The following MRGPRE variants were observed in gnomAD, a reference collection of about 807,000 sequenced individuals.
MRGPRE encodes MAS related GPR family member E, also known as mas-related G protein-coupled receptor member E.
For synonymous variants in MRGPRE, 229 were observed against 206.7 expected, an observed-to-expected ratio of 1.11 and a Z score of -0.92; for missense variants, 466 against 433.4, an observed-to-expected ratio of 1.08 and a Z score of -0.67.
At position 3,227,283 on chromosome 11, in the gene MRGPRE, C is replaced by T. The variant is rs1036608782; in HGVS notation, c.*578G>A. ...TTGCATCGTCCCGGTCTGAGGTGCA[C>T]GGCCTTGAGCAACTGGCTGATGATC... On this transcript the variant is annotated 3_prime_UTR_variant, in exon 2 of 2. Transcript: ENST00000389832. Among the ~76,000 whole-genome samples, 8 of 152,120 alleles carry T rather than the reference C, an allele frequency of 5.3e-5. No homozygotes were observed. Among genetic ancestry groups the T allele is most frequent in the Non-Finnish European group, 1.0e-4 (7 of 68,022 alleles).
chr11:3,225,717 C>T lies in MRGPRE; in HGVS notation c.*2144G>A, dbSNP rs1404302888. On this transcript the variant is annotated 3_prime_UTR_variant, in exon 2 of 2. Transcript: ENST00000389832. ...CCCACCAGCATCCTGGGCCATCAGG[C>T]CATATACCTGCTGCCACAGCAGCTA... Among the ~76,000 whole-genome samples the T allele has an allele frequency of 6.6e-6, 1 of 152,224 alleles. No homozygotes were observed. The highest frequency in any genetic ancestry group is 1.5e-5 in the Non-Finnish European group (1 of 68,030).
In MRGPRE at chr11:3,225,517, G is replaced by A. The variant is rs1024841751; in HGVS notation, c.*2344C>T. Among the ~76,000 whole-genome samples, 2 of 152,216 alleles carry A rather than the reference G, an allele frequency of 1.3e-5. No individual in the cohort carries two copies. Among genetic ancestry groups the A allele is most frequent in the East Asian group, 1.9e-4 (1 of 5,186 alleles). Reference sequence around the variant, plus strand: ...GGGCCTTGTGGCTCTGGGGGCAGAAGAGGAGGTGCAGCGGGGGAGGTCAGA... The same window carrying A: ...GGGCCTTGTGGCTCTGGGGGCAGAAAAGGAGGTGCAGCGGGGGAGGTCAGA... On this transcript the variant is annotated 3_prime_UTR_variant, in exon 2 of 2. Coordinates refer to ENST00000389832, the MANE Select transcript of MRGPRE (RefSeq NM_001039165.4).
rs1438099349 is a variant in MRGPRE, at chr11:3,229,924, A to G, written c.-61-1064T>C. On this transcript the variant is annotated intron_variant, in intron 1 of 1. Coordinates refer to ENST00000389832, the MANE Select transcript of MRGPRE (RefSeq NM_001039165.4). The surrounding 1 kb of genome is among the most constrained non-coding windows in gnomAD (Gnocchi z 4.4). ...TCCATGGCGTCTCCAGCCTCCCTCC[A>G]TCCCCTCCCAAGGCAGTCGGCTCAC... 6.6e-6 allele frequency among the ~76,000 whole-genome samples: 1 copy of G among 152,146 alleles called. No individual in the cohort carries two copies. Among genetic ancestry groups the G allele is most frequent in the Non-Finnish European group, 1.5e-5 (1 of 67,996 alleles).
rs61870521 is a variant in MRGPRE, at chr11:3,227,551, G to T, written c.*310C>A. On this transcript the variant is annotated 3_prime_UTR_variant, in exon 2 of 2. Coordinates refer to ENST00000389832, the MANE Select transcript of MRGPRE (RefSeq NM_001039165.4). ...CCTCACTGCAGCTGAGCAGGGAATG[G>T]GTAGCAGCAGCAGCTCTCGAGTGCC... 2 of 333,976 alleles carry T rather than the reference G, an allele frequency of 6.0e-6. No homozygotes were observed. The highest frequency in any genetic ancestry group is 4.2e-5 in the African/African-American group (2 of 47,316). The allele number at this position is 333,976 out of a possible 1,614,324, so 20.7% of individuals were successfully genotyped here.
chr11:3,228,621 AT>A lies in MRGPRE; in HGVS notation c.178del (p.Ile60SerfsTer52). ...CGCGCAGGCCACGTCCAGGAGGTAG[AT>A]GGCGAAGGGGTTTCTGTAGACATTG... ...SSNVYRNPFAIYLLDVACADL... is the reference protein window; with the variant it reads ...SSNVYRNPFAXYLLDVACADL... On this transcript the variant is annotated frameshift_variant, in exon 2 of 2. Coordinates refer to ENST00000389832, the MANE Select transcript of MRGPRE (RefSeq NM_001039165.4). LOFTEE classifies it low-confidence loss of function (END_TRUNC). 6.2e-7 allele frequency: 1 copy of A among 1,614,110 alleles called. No homozygotes were observed. Among genetic ancestry groups the A allele is most frequent in the Non-Finnish European group, 8.5e-7 (1 of 1,180,006 alleles).
At position 3,225,517 on chromosome 11, in the gene MRGPRE, G is replaced by T. The variant is rs1024841751; in HGVS notation, c.*2344C>A. Among the ~76,000 whole-genome samples the T allele has an allele frequency of 6.6e-6, 1 of 152,216 alleles. No homozygotes were observed. Among genetic ancestry groups the T allele is most frequent in the African/African-American group, 2.4e-5 (1 of 41,454 alleles). Reference sequence around the variant, plus strand: ...GGGCCTTGTGGCTCTGGGGGCAGAAGAGGAGGTGCAGCGGGGGAGGTCAGA... The same window carrying T: ...GGGCCTTGTGGCTCTGGGGGCAGAATAGGAGGTGCAGCGGGGGAGGTCAGA... On this transcript the variant is annotated 3_prime_UTR_variant, in exon 2 of 2. Coordinates refer to ENST00000389832, the MANE Select transcript of MRGPRE (RefSeq NM_001039165.4).
At position 3,229,212 on chromosome 11, in the gene MRGPRE, CTTTTTTTTTTTTTTTTT is replaced by C. The variant is rs60799467; in HGVS notation, c.-61-369_-61-353del. On this transcript the variant is annotated intron_variant, in intron 1 of 1. Coordinates refer to ENST00000389832, the MANE Select transcript of MRGPRE (RefSeq NM_001039165.4). This position sits in a 1 kb window ranked among gnomAD's most constrained non-coding sequence, Gnocchi z 4.4. ...GTGGTGCCTTGATCCTCAGAATGGG[CTTTTTTTTTTTTTTTTT>C]TTTTTTTTTTTTGGAGATGGAGTCT... Among the ~76,000 whole-genome samples the C allele has an allele frequency of 1.6e-5, 2 of 126,656 alleles. No homozygotes were observed. The highest frequency in any genetic ancestry group is 8.0e-5 in the Admixed American group (1 of 12,492). The allele number at this position is 126,656 out of a possible 152,430, so 83.1% of individuals were successfully genotyped here.
At position 3,225,812 on chromosome 11, in the gene MRGPRE, C is replaced by T. The variant is rs551989932; in HGVS notation, c.*2049G>A. ...ATGAGGCCACATTTCCCGGACTCCT[C>T]GAGAAGGGGCTAATAAGGAGGAATC... On this transcript the variant is annotated 3_prime_UTR_variant, in exon 2 of 2. Transcript: ENST00000389832. Among the ~76,000 whole-genome samples, 208 of 152,304 alleles carry T rather than the reference C, an allele frequency of 1.4e-3. No homozygotes were observed. Among genetic ancestry groups the T allele is most frequent in the African/African-American group, 4.7e-3 (196 of 41,574 alleles).
chr11:3,231,914 C>T lies in MRGPRE; in HGVS notation c.-62+227G>A. On this transcript the variant is annotated intron_variant, in intron 1 of 1. Coordinates refer to ENST00000389832, the MANE Select transcript of MRGPRE (RefSeq NM_001039165.4). This position sits in a 1 kb window ranked among gnomAD's most constrained non-coding sequence, Gnocchi z 4.7. ...GGGTGGGGGGTTGGGGAGCCATCACCCAAGCTATCGTCCTCTTCCAGACTC... is the reference window on the plus strand; with the variant it reads ...GGGTGGGGGGTTGGGGAGCCATCACTCAAGCTATCGTCCTCTTCCAGACTC... Among the ~76,000 whole-genome samples, 1 of 152,054 alleles carries T rather than the reference C, an allele frequency of 6.6e-6. No individual in the cohort carries two copies. The highest frequency in any genetic ancestry group is 1.5e-5 in the Non-Finnish European group (1 of 67,986).
At position 3,227,302 on chromosome 11, in the gene MRGPRE, G is replaced by A. The variant is rs1295889664; in HGVS notation, c.*559C>T. On this transcript the variant is annotated 3_prime_UTR_variant, in exon 2 of 2. Coordinates refer to ENST00000389832, the MANE Select transcript of MRGPRE (RefSeq NM_001039165.4). ...GGTGCACGGCCTTGAGCAACTGGCTGATGATCAAGGACGGGGAGGGGGTCA... is the reference window on the plus strand; with the variant it reads ...GGTGCACGGCCTTGAGCAACTGGCTAATGATCAAGGACGGGGAGGGGGTCA... Among the ~76,000 whole-genome samples the A allele has an allele frequency of 1.3e-5, 2 of 152,188 alleles. No individual in the cohort carries two copies. Among genetic ancestry groups the A allele is most frequent in the African/African-American group, 2.4e-5 (1 of 41,448 alleles).
At position 3,229,126 on chromosome 11, in the gene MRGPRE, G is replaced by A. The variant is rs377465998; in HGVS notation, c.-61-266C>T. 6.6e-5 allele frequency among the ~76,000 whole-genome samples: 10 copies of A among 152,230 alleles called. No homozygotes were observed. The South Asian group carries it at 2.1e-3, about 32-fold the overall frequency. On this transcript the variant is annotated intron_variant, in intron 1 of 1. Coordinates refer to ENST00000389832, the MANE Select transcript of MRGPRE (RefSeq NM_001039165.4). This position sits in a 1 kb window ranked among gnomAD's most constrained non-coding sequence, Gnocchi z 4.4. ...TGGGGCTGGTCCCTGTAGGCCAGGT[G>A]GGGGCAGGGACCAGGAGATGTGGGG...
At position 3,232,408 on chromosome 11, in the gene MRGPRE, C is replaced by G. The variant is rs1477287955; in HGVS notation, c.-329G>C. 1 of 152,394 alleles carries G rather than the reference C, an allele frequency of 6.6e-6. No homozygotes were observed. The highest frequency in any genetic ancestry group is 1.5e-5 in the Non-Finnish European group (1 of 68,168). The allele number at this position is 152,394 out of a possible 1,614,324, so 9.4% of individuals were successfully genotyped here. A position where few individuals can be genotyped will look rare whatever the true frequency, so the allele number is the denominator to read the frequency against. On this transcript the variant is annotated 5_prime_UTR_variant, in exon 1 of 2. Transcript: ENST00000389832. Reference sequence around the variant, plus strand: ...ACCTCCCTGCAGCCTTCCAGGCAGGCCTGGCAGGCAGAGGAAACCACGAGA... The same window carrying G: ...ACCTCCCTGCAGCCTTCCAGGCAGGGCTGGCAGGCAGAGGAAACCACGAGA...
Position 3,228,126 on chromosome 11 carries a change from A to C in MRGPRE, c.674T>G (p.Leu225Arg). Reference sequence around the variant, plus strand: ...GAAGGGCAGGCCGCAGAAGAGGAAGAGGAGGACGGTGAGGAGGATGAGCCC... The same window carrying C: ...GAAGGGCAGGCCGCAGAAGAGGAAGCGGAGGACGGTGAGGAGGATGAGCCC... Reference protein sequence around the residue: ...FPGLILLTVLLFLFCGLPFGI... With the variant: ...FPGLILLTVLRFLFCGLPFGI... The change falls in exon 2 of 2, where the codon CTC becomes CGC. Residue 225 changes from leucine (L) to arginine (R), a missense_variant. Transcript: ENST00000389832. The C allele has an allele frequency of 6.3e-7, 1 of 1,589,840 alleles. No homozygotes were observed. The highest frequency in any genetic ancestry group is 8.6e-7 in the Non-Finnish European group (1 of 1,168,654).
In MRGPRE at chr11:3,227,642, G is replaced by A. The variant is rs1590770574; in HGVS notation, c.*219C>T. On this transcript the variant is annotated 3_prime_UTR_variant, in exon 2 of 2. Coordinates refer to ENST00000389832, the MANE Select transcript of MRGPRE (RefSeq NM_001039165.4). ...TCCTCGGCCTTCTCCCCAGAGACCC[G>A]GCCCGCCTGCCTGGGCATGTAGAGA... The A allele has an allele frequency of 9.2e-6, 4 of 434,590 alleles. No homozygotes were observed. Among genetic ancestry groups the A allele is most frequent in the Admixed American group, 7.7e-5 (2 of 25,894 alleles). The allele number at this position is 434,590 out of a possible 1,614,324, so 26.9% of individuals were successfully genotyped here. A position where few individuals can be genotyped will look rare whatever the true frequency, so the allele number is the denominator to read the frequency against.
chr11:3,228,819 T>C lies in MRGPRE; in HGVS notation c.-20A>G, dbSNP rs773910451. The C allele has an allele frequency of 1.3e-6, 2 of 1,585,890 alleles. No homozygotes were observed. The highest frequency in any genetic ancestry group is 1.7e-6 in the Non-Finnish European group (2 of 1,163,050). ...CATCATGGGGCGGGGGGCCAGGGGA[T>C]GCTGCAGGAGTGTGTTCTGCTCGCT... On this transcript the variant is annotated 5_prime_UTR_variant, in exon 2 of 2. Coordinates refer to ENST00000389832, the MANE Select transcript of MRGPRE (RefSeq NM_001039165.4).
rs908579563 is a variant in MRGPRE, at chr11:3,225,857, T to C, written c.*2004A>G. ...GGAATCTAGAGCCACTCCAATCCCC[T>C]GGATGCTGAGAGCAGGCTCTCTGGG... On this transcript the variant is annotated 3_prime_UTR_variant, in exon 2 of 2. Coordinates refer to ENST00000389832, the MANE Select transcript of MRGPRE (RefSeq NM_001039165.4). Among the ~76,000 whole-genome samples the C allele has an allele frequency of 1.3e-5, 2 of 152,164 alleles. No individual in the cohort carries two copies. Among genetic ancestry groups the C allele is most frequent in the South Asian group, 2.1e-4 (1 of 4,822 alleles).
rs1214821254 is a variant in MRGPRE at position 3,228,573 on chromosome 11, T to G, written c.227A>C (p.His76Pro). 1.1e-5 allele frequency: 18 copies of G among 1,613,628 alleles called. No individual in the cohort carries two copies. The highest frequency in any genetic ancestry group is 1.5e-5 in the Non-Finnish European group (18 of 1,179,682). The change falls in exon 2 of 2, where the codon CAC (histidine) becomes CCC (proline). Residue 76 changes from histidine to proline, a missense_variant. Physicochemically the swap from His to Pro is moderately conservative, Grantham distance 77 (BLOSUM62 -2). Transcript: ENST00000389832. ...CAAGTCGGGGACGATGGCCACCATG[T>G]GGCAGCCAAGGAAGATGAGATCCGC... ...ACADLIFLGC[H>P]MVAIVPDLLQ...
rs1847836248 is a variant in MRGPRE at position 3,231,942 on chromosome 11, C to T, written c.-62+199G>A. 6.6e-6 allele frequency among the ~76,000 whole-genome samples: 1 copy of T among 152,150 alleles called. No individual in the cohort carries two copies. Among genetic ancestry groups the T allele is most frequent in the Admixed American group, 6.5e-5 (1 of 15,288 alleles). ...AGCTATCGTCCTCTTCCAGACTCAG[C>T]CCAGGGCTGGCTGCGGACCAGGTGG... On this transcript the variant is annotated intron_variant, in intron 1 of 1. Transcript: ENST00000389832. The surrounding 1 kb of genome is among the most constrained non-coding windows in gnomAD (Gnocchi z 4.7).
At position 3,228,171 on chromosome 11, in the gene MRGPRE, G is replaced by A. The variant is rs4405289; in HGVS notation, c.629C>T (p.Pro210Leu). The A allele has an allele frequency of 6.4e-3, 10,071 of 1,566,904 alleles. 535 individuals carry two copies. In the African/African-American group the frequency reaches 0.12, roughly 18 times the overall value. ...GAGCCCAGGGAAGCCCCGGGGTGGG[G>A]GCCGCTGGGGGCCTCGCTCCACCCG... ...LLRVERGPQRPPPRGFPGLIL... is the reference protein window; with the variant it reads ...LLRVERGPQRLPPRGFPGLIL... Residue 210 changes from proline (P) to leucine (L), a missense_variant, in exon 2 of 2, where the codon CCC becomes CTC. Transcript: ENST00000389832.
Sources: gnomAD v4.1 joint callset for allele counts (sites outside exome capture counted in the v4.1 genomes callset) on GRCh38, gnomAD v4.1.1 for gene constraint, Gnocchi (gnomAD v3.1) non-coding constraint, MANE v1.5 for transcripts, NCBI Gene and HGNC (gene_info 2026-07-23, HGNC 2026-07-21) for gene names.